LIPA: variants seen among roughly 807,000 people sequenced by gnomAD.
LIPA encodes lipase A, lysosomal acid type, also known as lysosomal acid lipase/cholesteryl ester hydrolase.
A neutral mutation model predicts 40.6 loss-of-function variants in LIPA; 26 were observed. The ratio of observed to expected loss-of-function variants is 0.64; its 90% CI spans 0.47 to 0.89. LIPA has a LOEUF of 0.89. LIPA is among the 40% of genes least tolerant of loss of function. The pLI is 0.00. For synonymous variants in LIPA, 188 were observed against 168.4 expected (o/e 1.12, Z -0.90); for missense variants, 455 against 479.6 (o/e 0.95, Z 0.48).
At chr10:89,254,075 G>A (rs1377831403), upstream of LIPA, among the ~76,000 whole-genome samples, 2 of 152,152 alleles carry the variant, frequency 1.3e-5, no homozygotes, top group Non-Finnish European at 1.5e-5. Context: ...GCAAGCTATC[G>A]GTGGATCTAC....
intron 2 of LIPA, among the ~76,000 whole-genome samples, chr10:89,347,899 A>T (rs1843933137): frequency 6.6e-6 from 1 of 152,208 alleles, no homozygotes; most frequent in African/African-American, 2.4e-5. Context: ...ATGGCAGCCC[A>T]AGCGGGACAT....
chr10:89,403,762 T>C (rs1844482967), intron 2 of LIPA: 1 of 972,502 alleles, frequency 1.0e-6, no homozygotes, highest in Non-Finnish European at 1.6e-6. Context: ...TATGCTAACA[T>C]TTACTAATCA....
chr10:89,314,963 A>G (rs1180159121), intron 1 of LIPA, among the ~76,000 whole-genome samples: 2 of 152,230 alleles, frequency 1.3e-5, no homozygotes, highest in Non-Finnish European at 2.9e-5. Context: ...ATCTGTCTCT[A>G]AAAATCAGCT....
intron 3 of LIPA, 116 bp from the exon 4 acceptor site, chr10:89,228,514 A>C: frequency 3.3e-6 from 3 of 901,176 alleles, no homozygotes; most frequent in Non-Finnish European, 3.6e-6. Context: ...CTAGAAATAA[A>C]TTGAAAGATT....
chr10:89,368,819 C>A (rs1470222044), intron 2 of LIPA, among the ~76,000 whole-genome samples: 2 of 151,826 alleles, frequency 1.3e-5, no homozygotes, highest in Non-Finnish European at 2.9e-5. Context: ...CTGGAGGAGT[C>A]CAAAGTAGAC....
intron 3 of LIPA, among the ~76,000 whole-genome samples, chr10:89,234,290 C>T (rs181823890): frequency 1.1e-3 from 167 of 152,310 alleles, no homozygotes; most frequent in African/African-American, 3.7e-3. Flanking sequence ...AGTCCAGTGC[C>T]TTGTCTGACC....
Position 89,250,098 on chromosome 10 carries a change from C to CTTTCTTTTTTTTTTTTTTTTTTT in LIPA, c.-2+1638_-2+1639insAAAAAAAAAAAAAAAAAAAGAAA, listed in dbSNP as rs1564767178. ...TCTTTTTTCTTTTTCTTTTTCTTTT[C>CTTTCTTTTTTTTTTTTTTTTTTT]TTTTCTTTCTTTTTTTTTTTTGAGA... On this transcript the variant is annotated intron_variant, in intron 1 of 9. Coordinates refer to ENST00000336233, the MANE Select transcript of LIPA (RefSeq NM_000235.4). Among the ~76,000 whole-genome samples, 39 of 101,680 alleles carry CTTTCTTTTTTTTTTTTTTTTTTT rather than the reference C, an allele frequency of 3.8e-4. 1 individual carries two copies. Among genetic ancestry groups the CTTTCTTTTTTTTTTTTTTTTTTT allele is most frequent in the South Asian group, 1.2e-3 (3 of 2,548 alleles). 66.7% of individuals were successfully genotyped at this position (101,680 alleles called of 152,430 possible). A position where few individuals can be genotyped will look rare whatever the true frequency, so the allele number is the denominator to read the frequency against.
intron 1 of LIPA, among the ~76,000 whole-genome samples, chr10:89,299,409 A>G (rs1366128451): frequency 6.6e-6 from 1 of 152,196 alleles, no homozygotes; most frequent in Non-Finnish European, 1.5e-5. Context: ...GGCGAAGGGA[A>G]ACTGAAAGGG....
chr10:89,320,648 G>GTAAT (rs1456761616), intron 1 of LIPA, among the ~76,000 whole-genome samples: 2 of 152,186 alleles, frequency 1.3e-5, no homozygotes, highest in East Asian at 3.8e-4. Context: ...ACTGCCCAAG[G>GTAAT]TAATTTATAG....
intron 2 of LIPA, among the ~76,000 whole-genome samples, chr10:89,365,438 G>A (rs1844049697): frequency 6.6e-6 from 1 of 152,174 alleles, no homozygotes; most frequent in Non-Finnish European, 1.5e-5. Flanking sequence ...TTGCTGTGCA[G>A]AAGCTCTTTA....
At position 89,393,907 on chromosome 10, in the gene LIPA, A is replaced by G. The variant is rs138603904; in HGVS notation, c.61+18884T>C. On this transcript the variant is annotated intron_variant, in intron 2 of 8. Coordinates refer to the LIPA transcript ENST00000371837. Reference sequence around the variant, plus strand: ...GTTGGTACTGATAATTAAAATAATAATAATATTAAATGTTATAAAGGTAGT... The same window carrying G: ...GTTGGTACTGATAATTAAAATAATAGTAATATTAAATGTTATAAAGGTAGT... Among the ~76,000 whole-genome samples, 92 of 152,324 alleles carry G rather than the reference A, an allele frequency of 6.0e-4. No homozygotes were observed. The East Asian group carries it at 0.015, about 25-fold the overall frequency.
At chr10:89,374,354 C>G (rs555216675) in intron 2 of LIPA, among the ~76,000 whole-genome samples, 2 of 152,162 alleles carry the variant, frequency 1.3e-5, no homozygotes, top group East Asian at 1.9e-4. Context: ...CTCTCTCTCT[C>G]TCTCTCTTAC....
intron 1 of LIPA, among the ~76,000 whole-genome samples, chr10:89,313,221 G>A (rs113725369): frequency 6.6e-6 from 1 of 152,126 alleles, no homozygotes; most frequent in African/African-American, 2.4e-5. Context: ...AAGCTCTCAG[G>A]TCAAAACAAG....
At chr10:89,362,624 C>T in intron 2 of LIPA, 1 of 399,684 alleles carries the variant, frequency 2.5e-6, no homozygotes, top group Non-Finnish European at 4.5e-6. Flanking sequence ...GGGCGTATCA[C>T]CACATAGGCA....
At chr10:89,339,218 A>G in intron 1 of LIPA, 1 of 1,614,206 alleles carries the variant, frequency 6.2e-7, no homozygotes, top group Non-Finnish European at 8.5e-7. Context: ...AATCACCCAG[A>G]GAAACAGTTC....
rs78283764 is a variant in LIPA, at chr10:89,273,471, C to T, written c.-1-25822G>A. ...GCAGGAGCTCAGGAGACCAGGAGCACTGGAACCCAATTTACCTAGGCTTCT... is the reference window on the plus strand; with the variant it reads ...GCAGGAGCTCAGGAGACCAGGAGCATTGGAACCCAATTTACCTAGGCTTCT... On this transcript the variant is annotated intron_variant, in intron 1 of 5. Coordinates refer to the LIPA transcript ENST00000282673. Among the ~76,000 whole-genome samples the T allele has an allele frequency of 4.2e-3, 639 of 152,238 alleles. 8 individuals carry two copies. Among genetic ancestry groups the T allele is most frequent in the African/African-American group, 0.015 (617 of 41,530 alleles).
intron 1 of LIPA, among the ~76,000 whole-genome samples, chr10:89,270,434 G>T (rs993683991): frequency 6.6e-6 from 1 of 152,222 alleles, no homozygotes; most frequent in Non-Finnish European, 1.5e-5. Context: ...AGACACAAGT[G>T]GGTGGGAAAT....
intron 1 of LIPA, among the ~76,000 whole-genome samples, chr10:89,328,504 GC>G (rs1458725780): frequency 1.3e-5 from 2 of 150,122 alleles, no homozygotes; most frequent in Non-Finnish European, 2.9e-5. Context: ...TAAGTCACAG[GC>G]TTTTTTTCTT....
chr10:89,380,029 C>T (rs1217434642), intron 2 of LIPA, among the ~76,000 whole-genome samples: 14 of 147,774 alleles, frequency 9.5e-5, no homozygotes, highest in South Asian at 2.1e-4. Context: ...AGTGAGACTC[C>T]GTCTCAAAAA....
Sources: gnomAD v4.1 joint callset for allele counts (sites outside exome capture counted in the v4.1 genomes callset) on GRCh38, gnomAD v4.1.1 for gene constraint, MANE v1.5 for transcripts, NCBI Gene and HGNC (gene_info 2026-07-23, HGNC 2026-07-21) for gene names.